The following TRAPPC8 variants were observed in gnomAD, a reference collection of about 807,000 sequenced individuals.
TRAPPC8 encodes the protein trafficking protein particle complex subunit 8.
A neutral mutation model predicts 174.3 loss-of-function variants in TRAPPC8; 54 were observed. That is an observed-to-expected ratio of 0.31 (90% CI 0.25 to 0.39). TRAPPC8 has a LOEUF of 0.39. TRAPPC8 is among the 10% of genes least tolerant of loss of function. TRAPPC8 has a pLI of 1.00. For synonymous variants in TRAPPC8, 630 were observed against 579.9 expected, an observed-to-expected ratio of 1.09 and a Z score of -1.24; for missense variants, 1,531 against 1,699.1, an observed-to-expected ratio of 0.90 and a Z score of 1.74.
At position 31,907,580 on chromosome 18, in the gene TRAPPC8, GAT is replaced by G; in HGVS notation, c.1267_1268del (p.Ile423GlnfsTer5). ...AAAAACATAAGTCAGCCATTTTCCT[GAT>G]TTGAAGTTCTGGTGCTTCCGGCGGA... ...LYPPEAPELQIRKMADLCFLV... is the reference protein window; with the variant it reads ...LYPPEAPELQXRKMADLCFLV... On this transcript the variant is annotated frameshift_variant, in exon 9 of 29. Transcript: ENST00000283351. LOFTEE classifies it high-confidence loss of function. 1 of 1,610,620 alleles carries G rather than the reference GAT, an allele frequency of 6.2e-7. No homozygotes were observed. The highest frequency in any genetic ancestry group is 8.5e-7 in the Non-Finnish European group (1 of 1,178,018).
chr18:31,880,109 ATATATATATATAT>A lies in TRAPPC8; in HGVS notation c.1729-5418_1729-5406del, dbSNP rs1216873440. Among the ~76,000 whole-genome samples, 25 of 92,862 alleles carry A rather than the reference ATATATATATATAT, an allele frequency of 2.7e-4. No individual in the cohort carries two copies. The South Asian group carries it at 3.2e-3, about 12-fold the overall frequency. 60.9% of individuals were successfully genotyped at this position (92,862 alleles called of 152,430 possible). ...AAAAAAAATATATATATATATATAT[ATATATATATATAT>A]TTTTTTTTTTTTAAGGAAGAAAGAT... On this transcript the variant is annotated intron_variant, in intron 12 of 28. Transcript: ENST00000283351.
chr18:31,875,411 A>AGCCAGCCT (rs2035094384), intron 12 of TRAPPC8, among the ~76,000 whole-genome samples: 1 of 151,396 alleles, frequency 6.6e-6, no homozygotes, highest in Admixed American at 6.6e-5. Context: ...TGCTGATCCC[A>AGCCAGCCT]GCCTGCCTGC....
Position 31,908,817 on chromosome 18 carries a change from T to C in TRAPPC8, c.1059A>G (p.Gln353=). 1 of 1,613,582 alleles carries C rather than the reference T, an allele frequency of 6.2e-7. No individual in the cohort carries two copies. Among genetic ancestry groups the C allele is most frequent in the South Asian group, 1.1e-5 (1 of 91,030 alleles). The change falls in exon 7 of 29, where the codon CAA becomes CAG. Residue 353 remains glutamine (Q), a synonymous_variant. Transcript: ENST00000283351. ...GCAAAAGGCCCCGAAATGTGAACTCTTGTATAAACTGTCGAATTCTATCAT... is the reference window on the plus strand; with the variant it reads ...GCAAAAGGCCCCGAAATGTGAACTCCTGTATAAACTGTCGAATTCTATCAT... The part of the protein sequence containing the change: ...TDHDRIRQFI[Q]EFTFRGLLPH...
At chr18:31,899,851 C>T (rs1003016066) in intron 10 of TRAPPC8, among the ~76,000 whole-genome samples, 5 of 151,866 alleles carry the variant, frequency 3.3e-5, no homozygotes, top group Non-Finnish European at 7.4e-5. Context: ...GAGGCCGAGA[C>T]AGGAGAATCA....
At chr18:31,872,189 G>C (rs1225846442) in intron 14 of TRAPPC8, among the ~76,000 whole-genome samples, 1 of 151,852 alleles carries the variant, frequency 6.6e-6, no homozygotes, top group Non-Finnish European at 1.5e-5. Flanking sequence ...TTATCGATGG[G>C]AGCATGTAGT....
chr18:31,917,321 G>T (rs1029320225), intron 3 of TRAPPC8, among the ~76,000 whole-genome samples: 2 of 151,720 alleles, frequency 1.3e-5, no homozygotes, highest in Admixed American at 6.6e-5. Flanking sequence ...ATTCAAGCTA[G>T]GGGGCTAAAG....
intron 24 of TRAPPC8, 77 bp downstream of exon 24, chr18:31,852,369 G>C (rs7239629): frequency 1.3e-6 from 2 of 1,549,354 alleles, no homozygotes; most frequent in Non-Finnish European, 1.8e-6. Context: ...GAATTACTGC[G>C]ATAAGCCTTG....
chr18:31,916,545 G>T, intron 3 of TRAPPC8, 99 bp from the exon 4 acceptor site: 1 of 1,243,992 alleles, frequency 8.0e-7, no homozygotes, highest in Non-Finnish European at 1.1e-6. Context: ...TTGTTTGTTT[G>T]TTTCTGAGAC....
At chr18:31,926,192 AC>A (rs1173057240) in intron 2 of TRAPPC8, among the ~76,000 whole-genome samples, 1 of 152,200 alleles carries the variant, frequency 6.6e-6, no homozygotes, top group Non-Finnish European at 1.5e-5. Context: ...TTTTAAAATA[AC>A]ACCACAATTG....
At chr18:31,886,960 G>GAC (rs144077903) in intron 12 of TRAPPC8, among the ~76,000 whole-genome samples, 3,950 of 150,682 alleles carry the variant, frequency 0.026, 53 homozygotes, top group South Asian at 0.066. Context: ...CAGCCTGGGT[G>GAC]ACACACACAC....
At chr18:31,843,634 G>GAATTT (rs1350825303) in intron 26 of TRAPPC8, among the ~76,000 whole-genome samples, 2 of 152,174 alleles carry the variant, frequency 1.3e-5, no homozygotes, top group Non-Finnish European at 2.9e-5. Flanking sequence ...GCAGTGGAAT[G>GAATTT]AATTTGGTAA....
At chr18:31,858,134 T>C in intron 19 of TRAPPC8, 152 bp from the exon 20 acceptor site, 1 of 638,468 alleles carries the variant, frequency 1.6e-6, no homozygotes, top group South Asian at 2.1e-5. Flanking sequence ...TGGCAGTTAA[T>C]GACTCCATTT....
Position 31,829,658 on chromosome 18 carries a change from C to A in TRAPPC8, c.*1097G>T, listed in dbSNP as rs1163665665. On this transcript the variant is annotated 3_prime_UTR_variant, in exon 29 of 29. Coordinates refer to ENST00000283351, the MANE Select transcript of TRAPPC8 (RefSeq NM_014939.5). ...TTGGTGCAGTCTGCTCCGATTAGTG[C>A]CGAGATTGAGACTGGAACAAACCAT... is the stretch of plus-strand genomic sequence containing the variant. 5 of 152,224 alleles carry A rather than the reference C, an allele frequency of 3.3e-5. No homozygotes were observed. The highest frequency in any genetic ancestry group is 1.3e-4 in the Admixed American group (2 of 15,288). The allele number at this position is 152,224 out of a possible 1,614,324, so 9.4% of individuals were successfully genotyped here.
At chr18:31,831,282 C>T (rs568438908) in intron 28 of TRAPPC8, among the ~76,000 whole-genome samples, 1 of 152,084 alleles carries the variant, frequency 6.6e-6, no homozygotes, top group African/African-American at 2.4e-5. Context: ...ACCTGGGAGG[C>T]GGAGGTTGCA....
intron 16 of TRAPPC8, among the ~76,000 whole-genome samples, chr18:31,868,865 G>C (rs1198138209): frequency 1.3e-5 from 2 of 151,890 alleles, no homozygotes; most frequent in Non-Finnish European, 2.9e-5. Flanking sequence ...ACCACATCTG[G>C]CTAATTTTTA....
At chr18:31,939,348 C>T (rs937125736) in intron 1 of TRAPPC8, 2 of 152,122 alleles carry the variant, frequency 1.3e-5, no homozygotes, top group African/African-American at 2.4e-5. Context: ...TCATTAATGT[C>T]CAAATGTTTC....
chr18:31,841,244 G>A (rs555923250), intron 26 of TRAPPC8, among the ~76,000 whole-genome samples: 2 of 152,172 alleles, frequency 1.3e-5, no homozygotes, highest in South Asian at 4.1e-4. Flanking sequence ...GGAGAGAAAA[G>A]AAAACCAGAA....
intron 26 of TRAPPC8, 119 bp downstream of exon 26, chr18:31,846,597 A>C (rs2033417924): frequency 2.4e-6 from 2 of 822,676 alleles, no homozygotes; most frequent in Admixed American, 4.8e-5. Flanking sequence ...AAAAAAAACC[A>C]AAAAACAAAA....
chr18:31,939,674 G>C (rs1024568103), intron 1 of TRAPPC8: 1 of 152,228 alleles, frequency 6.6e-6, no homozygotes, highest in Non-Finnish European at 1.5e-5. Context: ...GGGCAACAAG[G>C]AGAAACCCCA....
Sources: allele counts gnomAD v4.1 joint callset (sites outside exome capture counted in the v4.1 genomes callset), GRCh38; gene constraint gnomAD v4.1.1; transcripts MANE v1.5; gene names NCBI Gene and HGNC (gene_info 2026-07-23, HGNC 2026-07-21).